Variants in KCND2 observed in about 807,000 individuals in gnomAD.
The protein encoded by KCND2 is A-type voltage-gated potassium channel KCND2.
A neutral mutation model predicts 54.4 loss-of-function variants in KCND2; 16 were observed. The observed-to-expected ratio is 0.29, with a 90% CI of 0.20 to 0.45. KCND2 has a LOEUF of 0.45. Among genes scored for constraint, KCND2 ranks in the 20% least tolerant of loss-of-function variants. KCND2 has a pLI of 1.00. For missense variants in KCND2, 486 were observed against 824.2 expected (o/e 0.59, Z 5.02); for synonymous variants, 317 against 310.7 (o/e 1.02, Z -0.21).
chr7:120,539,423 A>G (rs1364625289), intron 1 of KCND2, among the ~76,000 whole-genome samples: 1 of 152,178 alleles, frequency 6.6e-6, no homozygotes, highest in African/African-American at 2.4e-5. Flanking sequence ...TCTGCAATGC[A>G]CATGATAGAA....
chr7:120,339,050 A>ATT (rs778288080), intron 1 of KCND2, among the ~76,000 whole-genome samples: 11,903 of 138,764 alleles, frequency 0.086, 509 homozygotes, highest in Non-Finnish European at 0.095. Context: ...CTGGCTAATT[A>ATT]TTATTTTTTT....
At chr7:120,383,580 G>A (rs1196176692) in intron 1 of KCND2, among the ~76,000 whole-genome samples, 2 of 152,028 alleles carry the variant, frequency 1.3e-5, no homozygotes, top group Non-Finnish European at 2.9e-5. Context: ...TACAGAATGA[G>A]CAAGAGGTCT....
intron 1 of KCND2, among the ~76,000 whole-genome samples, chr7:120,281,201 A>G (rs1202210946): frequency 6.6e-6 from 1 of 152,162 alleles, no homozygotes; most frequent in South Asian, 2.1e-4. Context: ...ATGGTGAAAT[A>G]AACATTCACT....
chr7:120,642,982 A>G (rs150985801), intron 1 of KCND2, among the ~76,000 whole-genome samples: 75 of 152,340 alleles, frequency 4.9e-4, no homozygotes, highest in Non-Finnish European at 9.3e-4. Context: ...ATTGTATGGC[A>G]TACTCCAGCT....
intron 1 of KCND2, among the ~76,000 whole-genome samples, chr7:120,516,484 G>A (rs1054280661): frequency 3.3e-5 from 5 of 152,038 alleles, no homozygotes; most frequent in African/African-American, 9.7e-5. Context: ...GAATCAGAAA[G>A]ACACCCTGAT....
chr7:120,275,182 G>T lies in KCND2; in HGVS notation c.550G>T (p.Ala184Ser). Residue 184 changes from alanine to serine, a missense_variant, in exon 1 of 6, where the codon GCC (alanine) becomes TCC (serine). Physicochemically the swap from Ala to Ser is moderately conservative, Grantham distance 99 (BLOSUM62 1). This residue lies in a region of KCND2 where 231 missense variants were observed against 386.0 expected (regional missense o/e 0.60). Coordinates refer to ENST00000331113, the MANE Select transcript of KCND2 (RefSeq NM_012281.3). ...CGAGAACCCCCACACCAGCACGATG[G>T]CCCTGGTGTTCTACTATGTCACGGG... ...AFENPHTSTM[A>S]LVFYYVTGFF... 1 of 1,614,036 alleles carries T rather than the reference G, an allele frequency of 6.2e-7. No individual in the cohort carries two copies. The highest frequency in any genetic ancestry group is 8.5e-7 in the Non-Finnish European group (1 of 1,180,018).
At chr7:120,549,410 A>C (rs1378025735) in intron 1 of KCND2, among the ~76,000 whole-genome samples, 1 of 152,138 alleles carries the variant, frequency 6.6e-6, no homozygotes, top group East Asian at 1.9e-4. Flanking sequence ...AGAAAACAGA[A>C]AGGTGAAGAG....
At chr7:120,394,401 T>G (rs935752890) in intron 1 of KCND2, among the ~76,000 whole-genome samples, 1 of 151,880 alleles carries the variant, frequency 6.6e-6, no homozygotes, top group Non-Finnish European at 1.5e-5. Context: ...GAAAAATATC[T>G]CAAAAGACCA....
chr7:120,328,928 C>T (rs749758163), intron 1 of KCND2, among the ~76,000 whole-genome samples: 9 of 152,090 alleles, frequency 5.9e-5, no homozygotes, highest in Non-Finnish European at 1.0e-4. Flanking sequence ...TCTCTAAAGT[C>T]ATTTGGGAAA....
At chr7:120,412,339 T>A (rs1190962777) in intron 1 of KCND2, among the ~76,000 whole-genome samples, 4 of 152,060 alleles carry the variant, frequency 2.6e-5, no homozygotes, top group Admixed American at 2.6e-4. Flanking sequence ...CTTAAGAGTC[T>A]CAGTTCTGTT....
chr7:120,382,656 A>C (rs1439733076), intron 1 of KCND2, among the ~76,000 whole-genome samples: 1 of 151,826 alleles, frequency 6.6e-6, no homozygotes, highest in Non-Finnish European at 1.5e-5. Context: ...TTTCTTGAGT[A>C]TATTTTCCTA....
rs1799107883 is a variant in KCND2 at position 120,273,318 on chromosome 7, C to G, written c.-1315C>G. Reference sequence around the variant, plus strand: ...AAGCAGCTAGCAGCCCTCCCGCGCCCCCGCGCTGCCGAGCGCCTTCTGCCT... The same window carrying G: ...AAGCAGCTAGCAGCCCTCCCGCGCCGCCGCGCTGCCGAGCGCCTTCTGCCT... On this transcript the variant is annotated 5_prime_UTR_variant, in exon 1 of 6. Coordinates refer to ENST00000331113, the MANE Select transcript of KCND2 (RefSeq NM_012281.3). Among the ~76,000 whole-genome samples the G allele has an allele frequency of 6.6e-6, 1 of 150,728 alleles. No individual in the cohort carries two copies. The highest frequency in any genetic ancestry group is 6.6e-5 in the Admixed American group (1 of 15,168).
intron 1 of KCND2, among the ~76,000 whole-genome samples, chr7:120,561,844 T>C (rs1188656869): frequency 6.6e-6 from 1 of 152,060 alleles, no homozygotes; most frequent in East Asian, 1.9e-4. Context: ...ACTCCTTACC[T>C]CAGGTGATCC....
At chr7:120,727,572 G>A (rs936029656) in intron 1 of KCND2, among the ~76,000 whole-genome samples, 1 of 152,038 alleles carries the variant, frequency 6.6e-6, no homozygotes, top group Non-Finnish European at 1.5e-5. Context: ...CTGAGGAATT[G>A]GTCTTCCACC....
intron 1 of KCND2, among the ~76,000 whole-genome samples, chr7:120,409,307 T>C (rs992345746): frequency 1.3e-5 from 2 of 151,988 alleles, no homozygotes; most frequent in African/African-American, 4.8e-5. Flanking sequence ...TCAGATTGTT[T>C]ATCAATTTAC....
intron 1 of KCND2, among the ~76,000 whole-genome samples, chr7:120,522,932 T>G (rs1791717421): frequency 6.6e-6 from 1 of 152,202 alleles, no homozygotes; most frequent in African/African-American, 2.4e-5. Context: ...CCTTCGTTAC[T>G]TAGACATACC....
chr7:120,660,996 G>A (rs1197473595), intron 1 of KCND2, among the ~76,000 whole-genome samples: 1 of 152,084 alleles, frequency 6.6e-6, no homozygotes, highest in Non-Finnish European at 1.5e-5. Flanking sequence ...TATAGTTAAG[G>A]GGAACAAGTG....
At chr7:120,414,429 T>C (rs1801497140) in intron 1 of KCND2, among the ~76,000 whole-genome samples, 1 of 152,168 alleles carries the variant, frequency 6.6e-6, no homozygotes, top group African/African-American at 2.4e-5. Flanking sequence ...TTAACATTTA[T>C]TGATTATACG....
chr7:120,599,703 G>A (rs773769302), intron 1 of KCND2, among the ~76,000 whole-genome samples: 6 of 151,704 alleles, frequency 4.0e-5, no homozygotes, highest in Non-Finnish European at 8.9e-5. Context: ...TAGCTTTTTT[G>A]TAGATTTTTG....
Sources: allele counts gnomAD v4.1 joint callset (sites outside exome capture counted in the v4.1 genomes callset), GRCh38; gene constraint gnomAD v4.1.1; regional missense constraint gnomAD v4.1.1; transcripts MANE v1.5; gene names NCBI Gene and HGNC (gene_info 2026-07-23, HGNC 2026-07-21).